The following ELSPBP1 variants were observed in gnomAD, a reference collection of about 807,000 sequenced individuals.
ELSPBP1 encodes the protein epididymal sperm binding protein 1, also known as epididymal sperm-binding protein 1.
A neutral mutation model predicts 33.3 loss-of-function variants in ELSPBP1; 38 were observed. The observed-to-expected ratio is 1.14, with a 90% CI of 0.88 to 1.50. The LOEUF (loss-of-function observed/expected upper bound fraction) is 1.50. ELSPBP1 is among the 40% of genes most tolerant of loss of function. The pLI, the probability that ELSPBP1 is intolerant of heterozygous loss-of-function variation, is 0.00. For missense variants in ELSPBP1, 267 were observed against 263.5 expected, an observed-to-expected ratio of 1.01 and a Z score of -0.09; for synonymous variants, 85 against 94.1, an observed-to-expected ratio of 0.90 and a Z score of 0.56.
chr19:48,008,694 G>C lies in ELSPBP1; in HGVS notation c.27G>C (p.Leu9Phe). The C allele has an allele frequency of 6.2e-7, 1 of 1,613,884 alleles. No homozygotes were observed. Among genetic ancestry groups the C allele is most frequent in the African/African-American group, 1.3e-5 (1 of 74,996 alleles). ...TGACCCGATGGTCCAGTTACCTGTT[G>C]GGATGGACAACCTTCCTTCTCTATT... MTRWSSYL[L>F]GWTTFLLYSY... The change falls in exon 2 of 7, where the codon TTG becomes TTC. Residue 9 changes from leucine (L) to phenylalanine (F), a missense_variant. By Grantham distance (22) the Leu-to-Phe change is conservative. Transcript: ENST00000339841.
intron 1 of ELSPBP1, among the ~76,000 whole-genome samples, chr19:48,006,153 T>C (rs1967015220): frequency 6.6e-6 from 1 of 151,826 alleles, no homozygotes; most frequent in Non-Finnish European, 1.5e-5. Context: ...AGAGATGAGG[T>C]CTCACTATGT....
At chr19:48,019,658 TA>T in intron 4 of ELSPBP1, 60 bp from the exon 5 acceptor site, 1 of 1,535,976 alleles carries the variant, frequency 6.5e-7, no homozygotes, top group Non-Finnish European at 8.9e-7. Context: ...TTGTGTGTCA[TA>T]AATGGAAGCT....
At chr19:48,023,417 A>G (rs1600114478) in intron 6 of ELSPBP1, among the ~76,000 whole-genome samples, 4 of 103,174 alleles carry the variant, frequency 3.9e-5, no homozygotes, top group Non-Finnish European at 5.6e-5. Context: ...GGGAGGAGGG[A>G]GGGAGGGAAG....
Position 48,022,264 on chromosome 19 carries a change from G to C in ELSPBP1, c.609G>C (p.Glu203Asp). Reference sequence around the variant, plus strand: ...ACTGCACTAACGAAGGATCAAAGGAGAACCTTGTGTGGTGTGCAACTTCTT... The same window carrying C: ...ACTGCACTAACGAAGGATCAAAGGACAACCTTGTGTGGTGTGCAACTTCTT... ...YFNCTNEGSK[E>D]NLVWCATSYN... Residue 203 changes from glutamate to aspartate, a missense_variant, in exon 6 of 7, where the codon GAG becomes GAC. Coordinates refer to ENST00000339841, the MANE Select transcript of ELSPBP1 (RefSeq NM_022142.5). 1 of 1,613,952 alleles carries C rather than the reference G, an allele frequency of 6.2e-7. No individual in the cohort carries two copies. Among genetic ancestry groups the C allele is most frequent in the East Asian group, 2.2e-5 (1 of 44,884 alleles).
chr19:48,010,981 G>T lies in ELSPBP1; in HGVS notation c.70+2244G>T, dbSNP rs115819567. On this transcript the variant is annotated intron_variant, in intron 2 of 6. Transcript: ENST00000339841. ...TATATACTCAGTGGTGTTCGTGACTGAGGCAAAGCATTGATAATGACAATA... is the reference window on the plus strand; with the variant it reads ...TATATACTCAGTGGTGTTCGTGACTTAGGCAAAGCATTGATAATGACAATA... Among the ~76,000 whole-genome samples, 128 of 152,256 alleles carry T rather than the reference G, an allele frequency of 8.4e-4. 1 individual carries two copies. Among genetic ancestry groups the T allele is most frequent in the African/African-American group, 3.0e-3 (123 of 41,540 alleles).
chr19:48,013,982 G>A (rs1485813192), intron 2 of ELSPBP1, among the ~76,000 whole-genome samples, 189 bp from the exon 3 acceptor site: 1 of 152,032 alleles, frequency 6.6e-6, no homozygotes, highest in African/African-American at 2.4e-5. Flanking sequence ...CTGCCCTTAC[G>A]ACCTAATCAC....
chr19:48,010,776 A>T (rs944832901), intron 2 of ELSPBP1, among the ~76,000 whole-genome samples: 7 of 152,206 alleles, frequency 4.6e-5, no homozygotes, highest in African/African-American at 1.4e-4. Flanking sequence ...GAGAACAGGC[A>T]GGTCAGCAGG....
chr19:48,020,256 G>A (rs1967185459), intron 5 of ELSPBP1, among the ~76,000 whole-genome samples: 1 of 152,190 alleles, frequency 6.6e-6, no homozygotes, highest in South Asian at 2.1e-4. Context: ...GGTTGAGGCT[G>A]CAGTGAGCTG....
At chr19:48,021,197 T>C (rs538518386) in intron 5 of ELSPBP1, among the ~76,000 whole-genome samples, 308 of 152,282 alleles carry the variant, frequency 2.0e-3, no homozygotes, top group African/African-American at 5.7e-3. Flanking sequence ...CTGTGGTCAT[T>C]TGTGGACACA....
At chr19:48,023,526 A>AGGGG (rs1967234447) in intron 6 of ELSPBP1, among the ~76,000 whole-genome samples, 2 of 88,328 alleles carry the variant, frequency 2.3e-5, no homozygotes, top group Non-Finnish European at 5.5e-5. Flanking sequence ...TAAGGAAGGA[A>AGGGG]GGGAGGAAGG....
intron 4 of ELSPBP1, among the ~76,000 whole-genome samples, chr19:48,016,516 CTTTCTTT>C: frequency 2.4e-5 from 2 of 83,262 alleles, no homozygotes; most frequent in Non-Finnish European, 5.6e-5. Flanking sequence ...TTCTTTCTTT[CTTTCTTT>C]CTTTCTTCCT....
intron 6 of ELSPBP1, among the ~76,000 whole-genome samples, chr19:48,023,623 G>C (rs915277006): frequency 2.0e-5 from 3 of 151,468 alleles, no homozygotes; most frequent in African/African-American, 7.3e-5. Context: ...GAAAGGGAAG[G>C]AGGGAAGGAA....
Position 48,011,636 on chromosome 19 carries a change from G to C in ELSPBP1, c.71-2535G>C, listed in dbSNP as rs543118018. Among the ~76,000 whole-genome samples, 327 of 151,706 alleles carry C rather than the reference G, an allele frequency of 2.2e-3. 3 individuals are homozygous for C. The highest frequency in any genetic ancestry group is 7.4e-3 in the African/African-American group (306 of 41,370). On this transcript the variant is annotated intron_variant, in intron 2 of 6. Transcript: ENST00000339841. The surrounding 1 kb of genome is among the most constrained non-coding windows in gnomAD (Gnocchi z 4.5). ...CAATGATGATGACAACGATGATGAT[G>C]ATCATCATCCTGATGACAATGACAA...
chr19:48,019,462 C>T (rs1967175076), intron 4 of ELSPBP1, among the ~76,000 whole-genome samples: 1 of 152,116 alleles, frequency 6.6e-6, no homozygotes, highest in African/African-American at 2.4e-5. Flanking sequence ...AATTTCCTAG[C>T]TTAGTAGAGT....
intron 5 of ELSPBP1, among the ~76,000 whole-genome samples, chr19:48,020,723 C>A (rs1019908445): frequency 2.6e-5 from 4 of 152,184 alleles, no homozygotes; most frequent in African/African-American, 9.7e-5. Flanking sequence ...TTCCACTCTG[C>A]CCTTCTTCCC....
intron 3 of ELSPBP1, among the ~76,000 whole-genome samples, chr19:48,014,929 T>C (rs35378447): frequency 0.17 from 25,225 of 152,046 alleles, 2,157 homozygotes; most frequent in South Asian, 0.23. Context: ...CTTAATTTTC[T>C]AAGTTAATAA....
chr19:48,015,864 A>G, intron 3 of ELSPBP1, 29 bp from the exon 4 acceptor site: 5 of 1,585,908 alleles, frequency 3.2e-6, no homozygotes, highest in Non-Finnish European at 4.3e-6. Context: ...AGAGGAAGTT[A>G]AGACACTCAC....
At chr19:47,996,275 C>T (rs547857074) in intron 1 of ELSPBP1, among the ~76,000 whole-genome samples, 7 of 151,946 alleles carry the variant, frequency 4.6e-5, no homozygotes, top group African/African-American at 1.7e-4. Context: ...ATGGATGAAA[C>T]GATTTATCTC....
At chr19:48,020,440 G>T (rs959722541) in intron 5 of ELSPBP1, among the ~76,000 whole-genome samples, 3 of 152,214 alleles carry the variant, frequency 2.0e-5, no homozygotes, top group African/African-American at 7.2e-5. Context: ...AGCCAAAAGA[G>T]CATCCCCTTG....
Sources: gnomAD v4.1 joint callset for allele counts (sites outside exome capture counted in the v4.1 genomes callset) on GRCh38, gnomAD v4.1.1 for gene constraint, Gnocchi (gnomAD v3.1) non-coding constraint, MANE v1.5 for transcripts, NCBI Gene and HGNC (gene_info 2026-07-23, HGNC 2026-07-21) for gene names.